Variants in TMTC1 observed in about 807,000 individuals in gnomAD.
The protein encoded by TMTC1 is protein O-mannosyl-transferase TMTC1.
A neutral mutation model predicts 104.8 loss-of-function variants in TMTC1; 73 were observed. The ratio of observed to expected loss-of-function variants is 0.70; its 90% CI spans 0.58 to 0.85. The LOEUF (loss-of-function observed/expected upper bound fraction) is 0.85, where lower values mean the gene tolerates loss of function less well. Ranked by LOEUF, TMTC1 falls within the 40% of genes least tolerant of loss-of-function variation. TMTC1 has a pLI of 0.00. For synonymous variants in TMTC1, 434 were observed against 428.7 expected (o/e 1.01, Z -0.15); for missense variants, 1,035 against 1,096.1 (o/e 0.94, Z 0.79).
chr12:29,694,877 T>G (rs1188164492), intron 5 of TMTC1, among the ~76,000 whole-genome samples: 3 of 152,050 alleles, frequency 2.0e-5, no homozygotes, highest in Non-Finnish European at 4.4e-5. Context: ...GAGGCGGAGG[T>G]TGCAGTGAGC....
At chr12:29,742,259 T>C (rs1305911021) in intron 5 of TMTC1, among the ~76,000 whole-genome samples, 1 of 152,178 alleles carries the variant, frequency 6.6e-6, no homozygotes, top group Non-Finnish European at 1.5e-5. Flanking sequence ...TTGGGTTTGA[T>C]TGTATTATTT....
intron 10 of TMTC1, among the ~76,000 whole-genome samples, chr12:29,540,943 C>T (rs1565656765): frequency 6.6e-6 from 1 of 151,434 alleles, no homozygotes. Flanking sequence ...TGCAGTGAGC[C>T]GAGATCACGC....
Position 29,759,242 on chromosome 12 carries a change from T to C in TMTC1, c.481-465A>G, listed in dbSNP as rs150828385. On this transcript the variant is annotated intron_variant, in intron 2 of 17. Coordinates refer to ENST00000539277, the MANE Select transcript of TMTC1 (RefSeq NM_001193451.2). ...CGGGCAGGATGGCTCACATCTGTAA[T>C]CTCAGCACTTTGGAAGGCCGAGGCT... Among the ~76,000 whole-genome samples, 8 of 152,320 alleles carry C rather than the reference T, an allele frequency of 5.3e-5. No individual in the cohort carries two copies. The East Asian group carries it at 1.2e-3, about 22-fold the overall frequency.
chr12:29,534,367 C>G (rs1487104633), intron 11 of TMTC1: 1 of 152,232 alleles, frequency 6.6e-6, no homozygotes, highest in Non-Finnish European at 1.5e-5. Context: ...CAGTTCCATT[C>G]TTATATCTCA....
chr12:29,778,145 T>C (rs1030685238), intron 1 of TMTC1, among the ~76,000 whole-genome samples: 1 of 152,242 alleles, frequency 6.6e-6, no homozygotes, highest in Non-Finnish European at 1.5e-5. Context: ...TTATGGTTTA[T>C]ATTACCATCA....
rs182247793 is a variant in TMTC1 at position 29,513,579 on chromosome 12, A to G, written c.2430+903T>C. Reference sequence around the variant, plus strand: ...ATCCACTCACTTATTTCCCAACACAATTGTATCATTTGAGATTTTACTTTT... The same window carrying G: ...ATCCACTCACTTATTTCCCAACACAGTTGTATCATTTGAGATTTTACTTTT... On this transcript the variant is annotated intron_variant, in intron 16 of 17. Coordinates refer to ENST00000539277, the MANE Select transcript of TMTC1 (RefSeq NM_001193451.2). Among the ~76,000 whole-genome samples, 172 of 152,240 alleles carry G rather than the reference A, an allele frequency of 1.1e-3. 2 individuals carry two copies. The Middle Eastern group carries it at 0.014, about 12-fold the overall frequency.
rs190713697 is a variant in TMTC1, at chr12:29,721,293, T to C, written c.938+30373A>G. Among the ~76,000 whole-genome samples, 676 of 151,918 alleles carry C rather than the reference T, an allele frequency of 4.4e-3. 5 individuals are homozygous for C. The highest frequency in any genetic ancestry group is 0.016 in the African/African-American group (644 of 41,398). ...GAGATCTACTGTATTTACTGACACA[T>C]TGAATAACTTTCCACTTTGTTTATA... On this transcript the variant is annotated intron_variant, in intron 5 of 17. Coordinates refer to ENST00000539277, the MANE Select transcript of TMTC1 (RefSeq NM_001193451.2).
intron 5 of TMTC1, among the ~76,000 whole-genome samples, chr12:29,673,333 T>C (rs1345391555): frequency 6.6e-6 from 1 of 152,234 alleles, no homozygotes; most frequent in African/African-American, 2.4e-5. Flanking sequence ...ATACATTGCA[T>C]GCAAACAACT....
intron 5 of TMTC1, among the ~76,000 whole-genome samples, chr12:29,694,174 G>A (rs113456133): frequency 0.023 from 3,454 of 151,950 alleles, 79 homozygotes; most frequent in Admixed American, 0.052. Context: ...GTACTATAAC[G>A]ATCCATCCCC....
intron 7 of TMTC1, among the ~76,000 whole-genome samples, chr12:29,587,220 C>T (rs934122768): frequency 6.6e-5 from 10 of 152,122 alleles, no homozygotes; most frequent in Non-Finnish European, 1.5e-4. Context: ...AATTTACTTG[C>T]GTAGAGGTAT....
chr12:29,575,523 C>T (rs139348882), intron 8 of TMTC1, among the ~76,000 whole-genome samples: 3 of 151,824 alleles, frequency 2.0e-5, no homozygotes, highest in African/African-American at 4.8e-5. Context: ...TAACAGCCCC[C>T]GAGAACTGAG....
intron 6 of TMTC1, among the ~76,000 whole-genome samples, chr12:29,607,867 C>T (rs574299590): frequency 1.3e-5 from 2 of 152,076 alleles, no homozygotes; most frequent in Admixed American, 6.5e-5. Flanking sequence ...ATTTTTTGGG[C>T]GTTGTGAGCT....
At chr12:29,550,932 TCAAAAAAAAAAAAAAAAAAAAAAAA>T (rs1565664379) in intron 10 of TMTC1, among the ~76,000 whole-genome samples, 1 of 19,858 alleles carries the variant, frequency 5.0e-5, no homozygotes. Context: ...GGACTCCATC[TCAAAAAAAAAAAAAAAAAAAAAAAA>T]AAAAAAAAAA....
chr12:29,742,218 T>C (rs1019719681), intron 5 of TMTC1, among the ~76,000 whole-genome samples: 1 of 152,216 alleles, frequency 6.6e-6, no homozygotes, highest in African/African-American at 2.4e-5. Context: ...GACACAAACA[T>C]TATTCCTTCC....
At chr12:29,524,123 C>A (rs926035120) in intron 11 of TMTC1, among the ~76,000 whole-genome samples, 2 of 152,068 alleles carry the variant, frequency 1.3e-5, no homozygotes, top group Non-Finnish European at 2.9e-5. Flanking sequence ...TAAAGAGAGA[C>A]CATTTGACAT....
chr12:29,502,247 ACCTCT>A lies in TMTC1; in HGVS notation c.*4594_*4598del, dbSNP rs1785221586. 6.6e-6 allele frequency: 1 copy of A among 151,956 alleles called. No homozygotes were observed. The highest frequency in any genetic ancestry group is 6.6e-5 in the Admixed American group (1 of 15,260). The allele number at this position is 151,956 out of a possible 1,614,324, so 9.4% of individuals were successfully genotyped here. A position where few individuals can be genotyped will look rare whatever the true frequency, so the allele number is the denominator to read the frequency against. On this transcript the variant is annotated 3_prime_UTR_variant, in exon 18 of 18. Coordinates refer to ENST00000539277, the MANE Select transcript of TMTC1 (RefSeq NM_001193451.2). Reference sequence around the variant, plus strand: ...CAGGAACAAAAATTTTTAAAAAATCACCTCTCACTATATTTGTTTTGAATGTCATT... The same window carrying A: ...CAGGAACAAAAATTTTTAAAAAATCACACTATATTTGTTTTGAATGTCATT...
At chr12:29,577,025 T>C (rs910377724) in intron 8 of TMTC1, among the ~76,000 whole-genome samples, 2 of 152,172 alleles carry the variant, frequency 1.3e-5, no homozygotes, top group Non-Finnish European at 2.9e-5. Flanking sequence ...TAAATGGTGT[T>C]GATGAAATTC....
At chr12:29,661,721 C>A (rs1391897434) in intron 5 of TMTC1, among the ~76,000 whole-genome samples, 1 of 152,140 alleles carries the variant, frequency 6.6e-6, no homozygotes, top group Non-Finnish European at 1.5e-5. Flanking sequence ...CAGGCGTGAG[C>A]CACTGCACCC....
intron 5 of TMTC1, among the ~76,000 whole-genome samples, chr12:29,695,667 C>A (rs932334038): frequency 6.6e-6 from 1 of 151,592 alleles, no homozygotes; most frequent in Non-Finnish European, 1.5e-5. Context: ...TAATACATTA[C>A]GATATAACCC....
Sources: gnomAD v4.1 joint callset for allele counts (sites outside exome capture counted in the v4.1 genomes callset) on GRCh38, gnomAD v4.1.1 for gene constraint, MANE v1.5 for transcripts, NCBI Gene and HGNC (gene_info 2026-07-23, HGNC 2026-07-21) for gene names.